The following TTC8 variants were observed in gnomAD, a reference collection of about 807,000 sequenced individuals.
TTC8 encodes tetratricopeptide repeat domain 8, also known as tetratricopeptide repeat protein 8.
In TTC8, 47 loss-of-function variants were observed where a neutral mutation model predicts 72.5. The observed-to-expected ratio is 0.65, with a 90% CI of 0.51 to 0.83. The LOEUF (loss-of-function observed/expected upper bound fraction) is 0.83, where lower values mean the gene tolerates loss of function less well. Ranked by LOEUF, TTC8 falls within the 40% of genes least tolerant of loss-of-function variation. The pLI is 0.00. For missense variants in TTC8, 611 were observed against 623.2 expected, an observed-to-expected ratio of 0.98 and a Z score of 0.21; for synonymous variants, 199 against 221.4, an observed-to-expected ratio of 0.90 and a Z score of 0.90.
intron 10 of TTC8, among the ~76,000 whole-genome samples, chr14:88,863,611 C>T (rs1055445289): frequency 2.0e-5 from 3 of 152,338 alleles, no homozygotes; most frequent in Middle Eastern, 3.4e-3. Flanking sequence ...TAGCAAGCTA[C>T]GCTTATCATC....
At chr14:88,864,674 A>C (rs1055837216) in intron 10 of TTC8, among the ~76,000 whole-genome samples, 7 of 152,226 alleles carry the variant, frequency 4.6e-5, no homozygotes, top group African/African-American at 7.2e-5. Context: ...TGTAGGGACA[A>C]TCATGCACAA....
intron 14 of TTC8, among the ~76,000 whole-genome samples, chr14:88,876,547 G>C (rs2094958098): frequency 6.6e-6 from 1 of 151,962 alleles, no homozygotes; most frequent in Admixed American, 6.6e-5. Context: ...TTGAGGTGAC[G>C]GATACCCCAG....
intron 9 of TTC8, 73 bp from the exon 10 acceptor site, chr14:88,861,149 A>G: frequency 8.8e-7 from 1 of 1,134,920 alleles, no homozygotes; most frequent in Non-Finnish European, 1.3e-6. Flanking sequence ...GTTACTAATC[A>G]ATAATTATAA....
At chr14:88,825,591 A>C (rs1489096202) in intron 1 of TTC8, among the ~76,000 whole-genome samples, 1 of 152,246 alleles carries the variant, frequency 6.6e-6, no homozygotes, top group Non-Finnish European at 1.5e-5. Context: ...TAGGCAAAAA[A>C]GGAGAAAATG....
At chr14:88,830,884 C>T (rs1454023051) in intron 1 of TTC8, 1 of 456,094 alleles carries the variant, frequency 2.2e-6, no homozygotes, top group Admixed American at 2.3e-5. Flanking sequence ...AGTCCTGCTC[C>T]TGATGGATCT....
At chr14:88,837,321 C>T (rs941407767) in intron 2 of TTC8, among the ~76,000 whole-genome samples, 4 of 152,134 alleles carry the variant, frequency 2.6e-5, no homozygotes, top group African/African-American at 9.7e-5. Context: ...GTCCGCTGGG[C>T]CCAATTCTTC....
At chr14:88,837,605 A>G (rs2094758840) in intron 2 of TTC8, among the ~76,000 whole-genome samples, 1 of 152,218 alleles carries the variant, frequency 6.6e-6, no homozygotes, top group Non-Finnish European at 1.5e-5. Context: ...TCCACCAGAG[A>G]GTGCTGAGCA....
Position 88,871,402 on chromosome 14 carries a change from A to C in TTC8, c.1050-147A>C, listed in dbSNP as rs1566858951. On this transcript the variant is annotated intron_variant, in intron 11 of 14. Coordinates refer to ENST00000380656, the MANE Select transcript of TTC8 (RefSeq NM_144596.4). The surrounding 1 kb of genome is among the most constrained non-coding windows in gnomAD (Gnocchi z 4.1). The stretch of plus-strand genomic sequence containing the variant: ...TTGTATTTGCTTTAAACATTTTTTC[A>C]TTTACTATAACACGTATTTATATTC... 5 of 734,208 alleles carry C rather than the reference A, an allele frequency of 6.8e-6. No homozygotes were observed. Among genetic ancestry groups the C allele is most frequent in the East Asian group, 5.4e-5 (2 of 36,730 alleles). The allele number at this position is 734,208 out of a possible 1,614,324, so 45.5% of individuals were successfully genotyped here.
chr14:88,831,605 A>G (rs1038967718), intron 1 of TTC8, among the ~76,000 whole-genome samples: 10 of 152,228 alleles, frequency 6.6e-5, no homozygotes, highest in Admixed American at 3.3e-4. Context: ...TGATGATAGT[A>G]TACCTATAAC....
Position 88,824,869 on chromosome 14 carries a change from G to A in TTC8, c.114+48G>A, listed in dbSNP as rs745749279. The A allele has an allele frequency of 4.6e-6, 7 of 1,516,488 alleles. No individual in the cohort carries two copies. In the African/African-American group the frequency reaches 6.8e-5, roughly 15 times the overall value. The allele number at this position is 1,516,488 out of a possible 1,614,324, so 93.9% of individuals were successfully genotyped here. ...CTGTGCATCCTGACGCTGAGGCTGCGGGGTCTGGGGCATATCCCAGCCCCG... is the reference window on the plus strand; with the variant it reads ...CTGTGCATCCTGACGCTGAGGCTGCAGGGTCTGGGGCATATCCCAGCCCCG... On this transcript the variant is annotated intron_variant, in intron 1 of 14. Coordinates refer to ENST00000380656, the MANE Select transcript of TTC8 (RefSeq NM_144596.4).
intron 7 of TTC8, among the ~76,000 whole-genome samples, chr14:88,848,818 C>G (rs1014223110): frequency 6.6e-6 from 1 of 152,122 alleles, no homozygotes; most frequent in African/African-American, 2.4e-5. Context: ...ATTCATTCCA[C>G]AAATATTTGT....
chr14:88,836,012 G>A (rs1177672756), intron 2 of TTC8, among the ~76,000 whole-genome samples: 3 of 152,068 alleles, frequency 2.0e-5, no homozygotes, highest in Non-Finnish European at 4.4e-5. Context: ...GAGAACTCAG[G>A]AAGATTAATT....
chr14:88,878,717 G>A (rs1266833385), downstream of TTC8: 1 of 152,028 alleles, frequency 6.6e-6, no homozygotes, highest in Non-Finnish European at 1.5e-5. Flanking sequence ...AGATTCAAAT[G>A]GTATAATGTG....
At chr14:88,853,119 T>C (rs2094840785) in intron 8 of TTC8, 63 bp downstream of exon 8, 5 of 1,236,616 alleles carry the variant, frequency 4.0e-6, no homozygotes, top group Non-Finnish European at 5.9e-6. Context: ...TCAAATCTGA[T>C]ACTTTTTGAG....
At position 88,841,447 on chromosome 14, in the gene TTC8, A is replaced by G. The variant is rs752043566; in HGVS notation, c.512A>G (p.Asp171Gly). ...LGTASMLTSPDGPFINLSRLN... is the reference protein window; with the variant it reads ...LGTASMLTSPGGPFINLSRLN... Reference sequence around the variant, plus strand: ...TAGGCTTCCATGCTTACAAGTCCTGATGGACCATTTATAAATTTATCTAGG... The same window carrying G: ...TAGGCTTCCATGCTTACAAGTCCTGGTGGACCATTTATAAATTTATCTAGG... Residue 171 changes from aspartate (D) to glycine (G), a missense_variant, in exon 6 of 15, where the codon GAT becomes GGT. By Grantham distance (94) the Asp-to-Gly change is moderately conservative. Coordinates refer to ENST00000380656, the MANE Select transcript of TTC8 (RefSeq NM_144596.4). 4 of 1,613,782 alleles carry G rather than the reference A, an allele frequency of 2.5e-6. No individual in the cohort carries two copies. Among genetic ancestry groups the G allele is most frequent in the Non-Finnish European group, 3.4e-6 (4 of 1,179,870 alleles).
chr14:88,836,530 C>T (rs1477787309), intron 2 of TTC8, among the ~76,000 whole-genome samples: 8 of 149,950 alleles, frequency 5.3e-5, no homozygotes, highest in Admixed American at 2.7e-4. Flanking sequence ...ACTTTGACTT[C>T]GGAAGTATTT....
In TTC8 at chr14:88,824,656, A is replaced by G. The variant is rs1256962585; in HGVS notation, c.-52A>G. The G allele has an allele frequency of 1.5e-5, 23 of 1,484,278 alleles. No homozygotes were observed. Among genetic ancestry groups the G allele is most frequent in the Non-Finnish European group, 1.9e-5 (21 of 1,087,140 alleles). The allele number at this position is 1,484,278 out of a possible 1,614,324, so 91.9% of individuals were successfully genotyped here. On this transcript the variant is annotated 5_prime_UTR_variant, in exon 1 of 15. Transcript: ENST00000380656. ...TCGGACGCCGCCAGCTCTTCACTCC[A>G]CGCCCACCTCTCTCCTGGAGCGCTG...
chr14:88,837,571 C>T (rs1036047740), intron 2 of TTC8, among the ~76,000 whole-genome samples: 9 of 152,146 alleles, frequency 5.9e-5, no homozygotes, highest in African/African-American at 2.2e-4. Context: ...GCTGTTCCAA[C>T]AGAAAATGCT....
At chr14:88,847,957 T>C (rs1230067102) in intron 7 of TTC8, among the ~76,000 whole-genome samples, 1 of 151,798 alleles carries the variant, frequency 6.6e-6, no homozygotes, top group Non-Finnish European at 1.5e-5. Context: ...ACTCTGTCTA[T>C]ACTAAAAATA....
Sources: gnomAD v4.1 joint callset for allele counts (sites outside exome capture counted in the v4.1 genomes callset) on GRCh38, gnomAD v4.1.1 for gene constraint, Gnocchi (gnomAD v3.1) non-coding constraint, MANE v1.5 for transcripts, NCBI Gene and HGNC (gene_info 2026-07-23, HGNC 2026-07-21) for gene names.